The following NMT1 variants were observed in gnomAD, a reference collection of about 807,000 sequenced individuals.
NMT1 encodes N-myristoyltransferase 1, also known as glycylpeptide N-tetradecanoyltransferase 1.
Under a neutral mutation model 63.4 loss-of-function variants are expected in NMT1, and 12 were observed. That is an observed-to-expected ratio of 0.19 (90% CI 0.12 to 0.31). The LOEUF (loss-of-function observed/expected upper bound fraction) is 0.31. NMT1 is among the 10% of genes least tolerant of loss of function. NMT1 has a pLI of 1.00. For synonymous variants in NMT1, 228 were observed against 234.3 expected (o/e 0.97, Z 0.25); for missense variants, 432 against 634.6 (o/e 0.68, Z 3.43).
intron 3 of NMT1, among the ~76,000 whole-genome samples, chr17:45,093,301 G>A (rs563598024): frequency 3.3e-4 from 50 of 152,362 alleles, no homozygotes; most frequent in African/African-American, 1.1e-3. Flanking sequence ...AAGCAGCCTT[G>A]TTGTGACTCC....
At chr17:45,072,403 G>A (rs1291367423) in intron 1 of NMT1, among the ~76,000 whole-genome samples, 1 of 151,138 alleles carries the variant, frequency 6.6e-6, no homozygotes, top group African/African-American at 2.4e-5. Context: ...GGGATTACAG[G>A]CGTGTACCAC....
intron 1 of NMT1, among the ~76,000 whole-genome samples, chr17:45,076,181 T>C (rs938426058): frequency 4.6e-5 from 7 of 152,170 alleles, no homozygotes; most frequent in African/African-American, 1.7e-4. Flanking sequence ...TTAGTCCAAA[T>C]TGAGGCCATT....
At chr17:45,097,275 CA>C (rs1446272959) in intron 6 of NMT1, 31 bp downstream of exon 6, 19 of 1,464,486 alleles carry the variant, frequency 1.3e-5, no homozygotes, top group Non-Finnish European at 1.7e-5. Flanking sequence ...CCACCCCCCA[CA>C]ACACCGCCAT....
intron 5 of NMT1, 89 bp downstream of exon 5, chr17:45,096,374 G>C (rs2143510179): frequency 9.6e-7 from 1 of 1,046,902 alleles, no homozygotes; most frequent in East Asian, 2.4e-5. Context: ...CCCTGCCAGG[G>C]GCCAACCTTT....
intron 2 of NMT1, among the ~76,000 whole-genome samples, chr17:45,085,604 CT>C (rs2054046805): frequency 6.6e-6 from 1 of 152,056 alleles, no homozygotes; most frequent in African/African-American, 2.4e-5. Context: ...TGTTTACTTT[CT>C]ATGTGTCTTA....
intron 1 of NMT1, among the ~76,000 whole-genome samples, chr17:45,078,167 G>A (rs1341184438): frequency 6.6e-6 from 1 of 152,156 alleles, no homozygotes; most frequent in Non-Finnish European, 1.5e-5. Context: ...GGAAATGAGG[G>A]TGATAGGCCT....
At chr17:45,094,518 A>ATTT (rs1364597501) in intron 4 of NMT1, among the ~76,000 whole-genome samples, 1 of 140,482 alleles carries the variant, frequency 7.1e-6, no homozygotes. Flanking sequence ...AGTCAACAGA[A>ATTT]TTTTTTTTTT....
chr17:45,069,495 T>C (rs1426508581), intron 1 of NMT1, among the ~76,000 whole-genome samples: 3 of 151,512 alleles, frequency 2.0e-5, no homozygotes, highest in Admixed American at 2.0e-4. Flanking sequence ...TTTCACCATC[T>C]TGGCCAGGCT....
At chr17:45,098,141 C>A (rs543883957) in intron 6 of NMT1, among the ~76,000 whole-genome samples, 1 of 152,216 alleles carries the variant, frequency 6.6e-6, no homozygotes, top group Non-Finnish European at 1.5e-5. Context: ...GCTGGTGGTA[C>A]CTTCAAATAA....
At chr17:45,069,879 C>CA (rs540316068) in intron 1 of NMT1, among the ~76,000 whole-genome samples, 7,570 of 117,616 alleles carry the variant, frequency 0.064, 251 homozygotes, top group East Asian at 0.2. Flanking sequence ...GACTCCATCT[C>CA]AAAAAAAAAA....
At position 45,106,415 on chromosome 17, in the gene NMT1, TC is replaced by T. The variant is rs1160791533; in HGVS notation, c.*777del. ...CCCTTGGCCTGCTCCCTGTAGGAAG[TC>T]ATCCTGCCAACTGATTTAAAAGGGC... is the stretch of plus-strand genomic sequence containing the variant. On this transcript the variant is annotated 3_prime_UTR_variant, in exon 12 of 12. Coordinates refer to ENST00000258960, the MANE Select transcript of NMT1 (RefSeq NM_021079.5). The T allele has an allele frequency of 6.5e-6, 1 of 152,686 alleles. No homozygotes were observed. Among genetic ancestry groups the T allele is most frequent in the Non-Finnish European group, 1.5e-5 (1 of 68,056 alleles). The allele number at this position is 152,686 out of a possible 1,614,324, so 9.5% of individuals were successfully genotyped here.
chr17:45,077,680 G>A (rs1425523497), intron 1 of NMT1, among the ~76,000 whole-genome samples: 8 of 152,152 alleles, frequency 5.3e-5, no homozygotes, highest in African/African-American at 1.7e-4. Context: ...GTGAGCCACC[G>A]CACCCAGCCT....
intron 2 of NMT1, among the ~76,000 whole-genome samples, chr17:45,084,524 G>A (rs1055047919): frequency 2.0e-5 from 3 of 151,858 alleles, no homozygotes; most frequent in African/African-American, 4.8e-5. Flanking sequence ...TAGTAGGGAC[G>A]GGGTTTCACT....
At chr17:45,090,177 AG>A (rs2054078961) in intron 3 of NMT1, among the ~76,000 whole-genome samples, 1 of 152,162 alleles carries the variant, frequency 6.6e-6, no homozygotes, top group South Asian at 2.1e-4. Context: ...CCAGTTTCTC[AG>A]GAGACTGAGG....
chr17:45,067,107 A>G (rs2053908059), intron 1 of NMT1, among the ~76,000 whole-genome samples: 1 of 151,686 alleles, frequency 6.6e-6, no homozygotes, highest in African/African-American at 2.4e-5. Flanking sequence ...AGAGTCAGAT[A>G]AGATAACCTT....
rs4793170 is a variant in NMT1, at chr17:45,073,627, C to T, written c.132-8017C>T. Among the ~76,000 whole-genome samples the T allele has an allele frequency of 5.2e-3, 794 of 152,320 alleles. 1 individual carries two copies. The highest frequency in any genetic ancestry group is 9.0e-3 in the Non-Finnish European group (615 of 68,024). On this transcript the variant is annotated intron_variant, in intron 1 of 11. Transcript: ENST00000258960. The stretch of plus-strand genomic sequence containing the variant: ...ACTTCTAATGCTTGCTCCTCTCAAA[C>T]ACCAAAGCTGTGTTCTATAGCCCAG...
rs868718436 is a variant in NMT1 at position 45,086,583 on chromosome 17, G to A, written c.316G>A (p.Ala106Thr). Reference protein sequence around the residue: ...IELFSVGQGPAKTMEEASKRS... With the variant: ...IELFSVGQGPTKTMEEASKRS... ...GCTGTTCTCAGTGGGTCAGGGACCT[G>A]CCAAAACCATGGAGGAGGCTAGCAA... Residue 106 changes from alanine to threonine, a missense_variant, in exon 3 of 12, where the codon GCC becomes ACC. By Grantham distance (58) the Ala-to-Thr change is moderately conservative (BLOSUM62 0). Transcript: ENST00000258960. 1.2e-6 allele frequency: 2 copies of A among 1,613,424 alleles called. No homozygotes were observed. The highest frequency in any genetic ancestry group is 1.7e-6 in the Non-Finnish European group (2 of 1,179,686).
At position 45,086,516 on chromosome 17, in the gene NMT1, T is replaced by C. The variant is rs200633656; in HGVS notation, c.249T>C (p.Ser83=). 4.4e-5 allele frequency: 71 copies of C among 1,609,624 alleles called. No individual in the cohort carries two copies. The highest frequency in any genetic ancestry group is 5.9e-5 in the Non-Finnish European group (70 of 1,178,502). The part of the protein sequence containing the change: ...SAQDQPVKMN[S]LPAERIQEIQ... ...AACTTTGTCTTGTCCAGATGAACTCTTTGCCAGCAGAGAGGATCCAGGAAA... is the reference window on the plus strand; with the variant it reads ...AACTTTGTCTTGTCCAGATGAACTCCTTGCCAGCAGAGAGGATCCAGGAAA... Residue 83 remains serine, a synonymous_variant, in exon 3 of 12, where the codon TCT becomes TCC. Transcript: ENST00000258960.
intron 4 of NMT1, among the ~76,000 whole-genome samples, chr17:45,094,705 G>T (rs2054112522): frequency 6.6e-6 from 1 of 151,362 alleles, no homozygotes. Context: ...AGAAAAGATG[G>T]TGTTTCACCA....
Sources: gnomAD v4.1 joint callset for allele counts (sites outside exome capture counted in the v4.1 genomes callset) on GRCh38, gnomAD v4.1.1 for gene constraint, MANE v1.5 for transcripts, NCBI Gene and HGNC (gene_info 2026-07-23, HGNC 2026-07-21) for gene names.